Variants in ESRRG observed in about 807,000 individuals in gnomAD.
ESRRG encodes the protein estrogen related receptor gamma.
In ESRRG, 13 loss-of-function variants were observed where a neutral mutation model predicts 44.0. That is an observed-to-expected ratio of 0.30 (90% confidence interval 0.19 to 0.47). The LOEUF is 0.47. Ranked by LOEUF, ESRRG falls within the 20% of genes least tolerant of loss-of-function variation. The probability of loss-of-function intolerance (pLI) is 1.00; values close to 1 mark genes in which losing one functional copy is unlikely to be tolerated. For missense variants in ESRRG, 395 were observed against 580.6 expected, an observed-to-expected ratio of 0.68 and a Z score of 3.29; for synonymous variants, 215 against 214.6, an observed-to-expected ratio of 1.00 and a Z score of -0.02.
chr1:217,102,610 C>A (rs775148533), intron 1 of ESRRG, among the ~76,000 whole-genome samples: 1 of 152,200 alleles, frequency 6.6e-6, no homozygotes, highest in African/African-American at 2.4e-5. Flanking sequence ...AATTACTTTA[C>A]ACTCAGACTT....
At chr1:216,828,462 G>A (rs2148705607) in intron 2 of ESRRG, among the ~76,000 whole-genome samples, 1 of 152,268 alleles carries the variant, frequency 6.6e-6, no homozygotes, top group Admixed American at 6.5e-5. Flanking sequence ...GATGCCAACA[G>A]CTCCTGTATC....
intron 1 of ESRRG, among the ~76,000 whole-genome samples, chr1:216,946,264 A>G (rs540173095): frequency 3.9e-4 from 59 of 152,332 alleles, no homozygotes; most frequent in Admixed American, 1.0e-3. Flanking sequence ...AACCCTCCCA[A>G]GTAAAACCAA....
At chr1:216,723,602 G>A (rs2086863174), upstream of ESRRG, 1 of 397,750 alleles carries the variant, frequency 2.5e-6, no homozygotes, top group African/African-American at 2.0e-5. Context: ...AGGCAGGTAG[G>A]CAGGGTGCAG....
Position 216,568,002 on chromosome 1 carries a change from G to T in ESRRG, c.686C>A (p.Pro229Gln), listed in dbSNP as rs781333180. ...GCTGTACTTACATGGCTTTTTGGCT[G>T]GCTGAACCAGCTGAGGGTTCAGGTA... ...SPYLNPQLVQ[P>Q]AKKPYNKIVS... Residue 229 changes from proline (P) to glutamine (Q), a missense_variant, in exon 4 of 7, where the codon CCA becomes CAA. Transcript: ENST00000408911. The T allele has an allele frequency of 2.5e-6, 4 of 1,611,812 alleles. No homozygotes were observed. The highest frequency in any genetic ancestry group is 1.1e-5 in the South Asian group (1 of 91,022).
chr1:217,107,941 C>G (rs1017951404), intron 1 of ESRRG, among the ~76,000 whole-genome samples: 1 of 152,014 alleles, frequency 6.6e-6, no homozygotes, highest in Non-Finnish European at 1.5e-5. Flanking sequence ...CATAAACAGA[C>G]TAGCCCATTT....
intron 1 of ESRRG, among the ~76,000 whole-genome samples, chr1:216,979,298 T>A (rs2073526857): frequency 6.6e-6 from 1 of 152,088 alleles, no homozygotes; most frequent in Admixed American, 6.6e-5. Flanking sequence ...ATGCCTCTCC[T>A]CCCAACTCTC....
intron 1 of ESRRG, among the ~76,000 whole-genome samples, chr1:216,706,055 T>TC (rs1380778390): frequency 6.6e-6 from 1 of 152,132 alleles, no homozygotes; most frequent in Non-Finnish European, 1.5e-5. Context: ...TTCCTCCTCG[T>TC]CCCCCACCCC....
At chr1:217,133,372 G>A (rs2092992291) in intron 1 of ESRRG, among the ~76,000 whole-genome samples, 1 of 152,390 alleles carries the variant, frequency 6.6e-6, no homozygotes, top group South Asian at 2.1e-4. Flanking sequence ...CCATCTTCAG[G>A]ACCCAGAGTT....
At chr1:216,824,280 C>G (rs1023800133) in intron 2 of ESRRG, among the ~76,000 whole-genome samples, 5 of 151,972 alleles carry the variant, frequency 3.3e-5, no homozygotes, top group South Asian at 2.1e-4. Flanking sequence ...AACCCCATCT[C>G]TACTAAAATA....
chr1:216,965,387 C>A (rs760722185), intron 1 of ESRRG, among the ~76,000 whole-genome samples: 12 of 152,142 alleles, frequency 7.9e-5, no homozygotes, highest in Admixed American at 6.5e-5. Context: ...CTATTAATTA[C>A]CAACTTATTG....
intron 1 of ESRRG, among the ~76,000 whole-genome samples, chr1:216,703,862 C>A (rs951655292): frequency 6.6e-6 from 1 of 152,034 alleles, no homozygotes; most frequent in Non-Finnish European, 1.5e-5. Context: ...ATTTTATTGA[C>A]GGCCCTTAAA....
At chr1:216,523,930 C>A (rs1232880966) in intron 5 of ESRRG, among the ~76,000 whole-genome samples, 1 of 151,392 alleles carries the variant, frequency 6.6e-6, no homozygotes, top group Non-Finnish European at 1.5e-5. Flanking sequence ...ACTGAGATCA[C>A]AAATGAAGTT....
upstream of ESRRG, among the ~76,000 whole-genome samples, chr1:216,727,687 T>C (rs1204531670): frequency 1.3e-5 from 2 of 152,154 alleles, no homozygotes; most frequent in Non-Finnish European, 2.9e-5. Context: ...ATTGTCTCGA[T>C]TGGCAAGAAG....
intron 2 of ESRRG, among the ~76,000 whole-genome samples, chr1:216,937,917 A>ATT (rs111237282): frequency 5.7e-4 from 85 of 150,262 alleles, no homozygotes; most frequent in South Asian, 3.6e-3. Flanking sequence ...CTGCTTTATT[A>ATT]TTTTTTTTTT....
At chr1:217,046,822 G>T (rs935332279) in intron 1 of ESRRG, among the ~76,000 whole-genome samples, 1 of 151,952 alleles carries the variant, frequency 6.6e-6, no homozygotes, top group African/African-American at 2.4e-5. Context: ...ATTTTAGGCT[G>T]CAATGAGCCA....
chr1:217,117,171 T>A (rs1391318343), intron 1 of ESRRG, among the ~76,000 whole-genome samples: 1 of 152,304 alleles, frequency 6.6e-6, no homozygotes, highest in East Asian at 1.9e-4. Flanking sequence ...TATGGAACCT[T>A]GAAAAGCCAC....
chr1:217,091,831 C>T (rs1178679804), upstream of ESRRG, among the ~76,000 whole-genome samples: 2 of 152,300 alleles, frequency 1.3e-5, no homozygotes, highest in South Asian at 2.1e-4. Flanking sequence ...AAGAGGTACT[C>T]GTTAATATTC....
intron 1 of ESRRG, among the ~76,000 whole-genome samples, chr1:216,966,274 G>A (rs971066112): frequency 3.3e-5 from 5 of 152,068 alleles, no homozygotes; most frequent in African/African-American, 9.7e-5. Context: ...GGAGTATAAC[G>A]TGTCAACAAA....
intron 1 of ESRRG, among the ~76,000 whole-genome samples, chr1:216,948,823 T>C (rs1228258671): frequency 6.6e-6 from 1 of 152,178 alleles, no homozygotes; most frequent in Non-Finnish European, 1.5e-5. Flanking sequence ...AATAAGGCAC[T>C]GAGGAATTAA....
Sources: allele counts gnomAD v4.1 joint callset (sites outside exome capture counted in the v4.1 genomes callset), GRCh38; gene constraint gnomAD v4.1.1; transcripts MANE v1.5; gene names NCBI Gene and HGNC (gene_info 2026-07-23, HGNC 2026-07-21).